Variants in INO80C observed in about 807,000 individuals in gnomAD.
INO80C encodes the protein INO80 complex subunit C.
A neutral mutation model predicts 17.7 loss-of-function variants in INO80C; 17 were observed. The ratio of observed to expected loss-of-function variants is 0.96; its 90% CI spans 0.66 to 1.44. The LOEUF is 1.44. Among genes scored for constraint, INO80C ranks in the 40% most tolerant of loss-of-function variants. INO80C has a pLI of 0.00. For missense variants in INO80C, 244 were observed against 245.0 expected (o/e 1.00, Z 0.03); for synonymous variants, 96 against 95.8 (o/e 1.00, Z -0.01).
chr18:35,471,320 T>C (rs2144023738), intron 4 of INO80C, among the ~76,000 whole-genome samples: 1 of 152,368 alleles, frequency 6.6e-6, no homozygotes, highest in South Asian at 2.1e-4. Flanking sequence ...TTCCAGACTT[T>C]TTATGTCTAC....
intron 2 of INO80C, 126 bp downstream of exon 2, chr18:35,480,320 CATAGGGG>C: frequency 1.5e-6 from 1 of 680,882 alleles, no homozygotes; most frequent in Non-Finnish European, 2.7e-6. Flanking sequence ...CCATCTTGCC[CATAGGGG>C]AGAAGGAGGT....
chr18:35,491,677 A>C (rs954681408), intron 1 of INO80C, among the ~76,000 whole-genome samples: 15 of 152,210 alleles, frequency 9.9e-5, no homozygotes, highest in Non-Finnish European at 1.9e-4. Context: ...CAACAGGATG[A>C]GAGGGAGACA....
chr18:35,478,454 C>G, intron 3 of INO80C, 105 bp from the exon 4 acceptor site: 1 of 917,386 alleles, frequency 1.1e-6, no homozygotes, highest in Non-Finnish European at 1.6e-6. Flanking sequence ...TGAAAATTTC[C>G]TTTGTGATTA....
intron 4 of INO80C, among the ~76,000 whole-genome samples, chr18:35,477,536 A>G (rs1307013104): frequency 1.3e-5 from 2 of 152,268 alleles, no homozygotes; most frequent in Non-Finnish European, 2.9e-5. Flanking sequence ...TGCAAGAGCT[A>G]ATTAAAAGAA....
At chr18:35,471,630 T>C (rs2045671134) in intron 4 of INO80C, among the ~76,000 whole-genome samples, 1 of 152,076 alleles carries the variant, frequency 6.6e-6, no homozygotes. Context: ...ATTATTAAAG[T>C]TTTAGGGTAC....
At chr18:35,493,698 C>T (rs1205818364) in intron 1 of INO80C, among the ~76,000 whole-genome samples, 3 of 152,162 alleles carry the variant, frequency 2.0e-5, no homozygotes, top group Middle Eastern at 3.2e-3. Flanking sequence ...ACTTTAGAAA[C>T]AGCAAGCATA....
chr18:35,476,486 T>A (rs1378063390), intron 4 of INO80C, among the ~76,000 whole-genome samples: 2 of 152,258 alleles, frequency 1.3e-5, no homozygotes, highest in East Asian at 3.8e-4. Context: ...GCACTTTCTA[T>A]ACTATTGTCT....
chr18:35,495,085 T>C (rs1413914112), intron 1 of INO80C, among the ~76,000 whole-genome samples: 4 of 152,214 alleles, frequency 2.6e-5, no homozygotes, highest in Non-Finnish European at 5.9e-5. Flanking sequence ...CCTGCTTATT[T>C]CCTATACGCT....
At chr18:35,476,639 C>T (rs970074522) in intron 4 of INO80C, among the ~76,000 whole-genome samples, 6 of 152,074 alleles carry the variant, frequency 3.9e-5, no homozygotes, top group African/African-American at 1.4e-4. Context: ...TTAAATACAA[C>T]CATATCAACA....
At chr18:35,474,163 ATATATATATATATG>A (rs2045702664) in intron 4 of INO80C, among the ~76,000 whole-genome samples, 1 of 86,570 alleles carries the variant, frequency 1.2e-5, no homozygotes, top group South Asian at 3.2e-4. Flanking sequence ...AAATATACAT[ATATATATATATATG>A]TATATATATG....
chr18:35,481,352 T>C (rs1165666367), intron 1 of INO80C, among the ~76,000 whole-genome samples: 1 of 152,232 alleles, frequency 6.6e-6, no homozygotes, highest in Non-Finnish European at 1.5e-5. Flanking sequence ...CAATTAACTT[T>C]TAAAAAATTG....
intron 1 of INO80C, among the ~76,000 whole-genome samples, chr18:35,482,458 T>A (rs751389013): frequency 6.6e-5 from 10 of 152,138 alleles, no homozygotes; most frequent in Non-Finnish European, 1.0e-4. Flanking sequence ...CCACTCACAT[T>A]GCTGCAATAG....
At chr18:35,478,563 GC>G (rs2045766234) in intron 3 of INO80C, among the ~76,000 whole-genome samples, 1 of 152,124 alleles carries the variant, frequency 6.6e-6, no homozygotes, top group South Asian at 2.1e-4. Context: ...TCCAGATCTA[GC>G]CCTGCCCTGT....
chr18:35,472,152 G>T (rs1466790913), intron 4 of INO80C, among the ~76,000 whole-genome samples: 4 of 152,192 alleles, frequency 2.6e-5, no homozygotes, highest in Non-Finnish European at 4.4e-5. Flanking sequence ...GGTATTTCTA[G>T]TTCTAGATTC....
intron 2 of INO80C, among the ~76,000 whole-genome samples, chr18:35,479,655 G>C (rs934093069): frequency 3.3e-5 from 5 of 151,898 alleles, no homozygotes; most frequent in Admixed American, 6.6e-5. Context: ...GAAATAAAAG[G>C]CTACTTCTTT....
chr18:35,479,473 T>G, intron 2 of INO80C, 62 bp from the exon 3 acceptor site: 1 of 957,920 alleles, frequency 1.0e-6, no homozygotes, highest in Non-Finnish European at 1.7e-6. Flanking sequence ...TTTCGACATC[T>G]GACATTTATG....
chr18:35,494,953 C>T (rs758523882), intron 1 of INO80C, among the ~76,000 whole-genome samples: 2 of 152,186 alleles, frequency 1.3e-5, no homozygotes, highest in Non-Finnish European at 2.9e-5. Flanking sequence ...GGAACAGAAA[C>T]AGTACAATAA....
intron 4 of INO80C, among the ~76,000 whole-genome samples, chr18:35,469,888 C>T (rs980058345): frequency 2.0e-5 from 3 of 152,174 alleles, no homozygotes; most frequent in African/African-American, 4.8e-5. Context: ...GGGACCATCA[C>T]AGAAAAGAGA....
At chr18:35,495,558 C>T (rs2045972533) in intron 1 of INO80C, among the ~76,000 whole-genome samples, 1 of 152,156 alleles carries the variant, frequency 6.6e-6, no homozygotes, top group South Asian at 2.1e-4. Context: ...AAGATTTCCA[C>T]CATATTGGAT....
Sources: gnomAD v4.1 joint callset for allele counts (sites outside exome capture counted in the v4.1 genomes callset) on GRCh38, gnomAD v4.1.1 for gene constraint, MANE v1.5 for transcripts, NCBI Gene and HGNC (gene_info 2026-07-23, HGNC 2026-07-21) for gene names.